Variants in IFTAP observed in about 807,000 individuals in gnomAD.
The protein encoded by IFTAP is intraflagellar transport-associated protein.
IFTAP carries 19 observed loss-of-function variants against 19.4 expected under a neutral mutation model. That is an observed-to-expected ratio of 0.98 (90% CI 0.68 to 1.44). The LOEUF (loss-of-function observed/expected upper bound fraction) is 1.44, where lower values mean the gene tolerates loss of function less well. IFTAP is among the 40% of genes most tolerant of loss of function. The pLI, the probability that IFTAP is intolerant of heterozygous loss-of-function variation, is 0.00. For missense variants in IFTAP, 240 were observed against 253.6 expected (o/e 0.95, Z 0.36); for synonymous variants, 85 against 83.5 (o/e 1.02, Z -0.10).
chr11:36,603,557 A>G (rs775222785), intron 1 of IFTAP, among the ~76,000 whole-genome samples: 3 of 152,200 alleles, frequency 2.0e-5, no homozygotes, highest in South Asian at 4.1e-4. Context: ...CAATGTTAAC[A>G]TCATGCATAA....
chr11:36,649,248 A>G (rs1010052635), intron 5 of IFTAP, among the ~76,000 whole-genome samples: 3 of 152,186 alleles, frequency 2.0e-5, no homozygotes, highest in African/African-American at 7.2e-5. Flanking sequence ...TCTAATAAGT[A>G]CTTTTGTTCA....
At chr11:36,657,604 G>A (rs1255394670) in intron 5 of IFTAP, among the ~76,000 whole-genome samples, 1 of 152,194 alleles carries the variant, frequency 6.6e-6, no homozygotes, top group African/African-American at 2.4e-5. Context: ...TGTTGAGCAG[G>A]TGAGGCTTTA....
At chr11:36,636,819 G>A (rs1377128013) in intron 4 of IFTAP, among the ~76,000 whole-genome samples, 3 of 151,884 alleles carry the variant, frequency 2.0e-5, no homozygotes, top group African/African-American at 7.3e-5. Flanking sequence ...GTCTGTTGAT[G>A]TTTATTTAGA....
intron 1 of IFTAP, among the ~76,000 whole-genome samples, chr11:36,603,922 C>CAA (rs562737848): frequency 1.8e-5 from 2 of 113,764 alleles, no homozygotes; most frequent in African/African-American, 3.1e-5. Context: ...AACTCAGTCT[C>CAA]AAAAAAAAAA....
intron 4 of IFTAP, among the ~76,000 whole-genome samples, chr11:36,637,965 C>T (rs908649620): frequency 6.6e-6 from 1 of 151,930 alleles, no homozygotes. Context: ...ACTGCAACCT[C>T]TGCCTCTCAG....
intron 2 of IFTAP, among the ~76,000 whole-genome samples, chr11:36,612,110 AT>A (rs1365895030): frequency 6.6e-6 from 1 of 152,020 alleles, no homozygotes; most frequent in Non-Finnish European, 1.5e-5. Flanking sequence ...ATTTACTTTT[AT>A]GAAAAGGGGT....
intron 3 of IFTAP, among the ~76,000 whole-genome samples, chr11:36,634,428 A>G (rs963415467): frequency 2.6e-5 from 4 of 152,070 alleles, no homozygotes; most frequent in East Asian, 1.9e-4. Flanking sequence ...CAGAAGTAGA[A>G]TCAGAGCTCC....
Position 36,631,298 on chromosome 11 carries a change from T to C in IFTAP, c.137-1986T>C, listed in dbSNP as rs191391036. Among the ~76,000 whole-genome samples, 494 of 151,560 alleles carry C rather than the reference T, an allele frequency of 3.3e-3. 35 individuals are homozygous for C. The highest frequency in any genetic ancestry group is 0.011 in the African/African-American group (457 of 40,810). On this transcript the variant is annotated intron_variant, in intron 2 of 5. Coordinates refer to ENST00000334307, the MANE Select transcript of IFTAP (RefSeq NM_138787.4). ...AGTAGGCAGTAGTAGAGAGCTGGCCTGAGCTGGTGTTATTTATGGATGTGA... is the reference window on the plus strand; with the variant it reads ...AGTAGGCAGTAGTAGAGAGCTGGCCCGAGCTGGTGTTATTTATGGATGTGA...
intron 2 of IFTAP, among the ~76,000 whole-genome samples, chr11:36,633,045 A>G (rs1852788581): frequency 6.6e-6 from 1 of 151,304 alleles, no homozygotes; most frequent in South Asian, 2.1e-4. Context: ...GACCAAGAAC[A>G]GTGCTGGATA....
intron 1 of IFTAP, chr11:36,595,122 T>C (rs916998390): frequency 6.6e-6 from 1 of 152,178 alleles, no homozygotes; most frequent in Non-Finnish European, 1.5e-5. Context: ...TCTTCACTGT[T>C]TTTACTCCTG....
chr11:36,614,859 T>C (rs1391155644), intron 2 of IFTAP, among the ~76,000 whole-genome samples: 1 of 148,296 alleles, frequency 6.7e-6, no homozygotes, highest in Non-Finnish European at 1.5e-5. Flanking sequence ...TGTTCTCCCA[T>C]TTTGTAGGTT....
Position 36,614,693 on chromosome 11 carries a change from GTTTT to G in IFTAP, c.136+4457_136+4460del, listed in dbSNP as rs1230835785. ...AGTGATGGTGAGCATTTTTTCATGTGTTTTTTGGCTGCATAAATGTCTTCTTTTG... is the reference window on the plus strand; with the variant it reads ...AGTGATGGTGAGCATTTTTTCATGTGTTGGCTGCATAAATGTCTTCTTTTG... On this transcript the variant is annotated intron_variant, in intron 2 of 5. Coordinates refer to ENST00000334307, the MANE Select transcript of IFTAP (RefSeq NM_138787.4). 6.1e-4 allele frequency among the ~76,000 whole-genome samples: 90 copies of G among 148,164 alleles called. 5 individuals are homozygous for G. Among genetic ancestry groups the G allele is most frequent in the African/African-American group, 2.2e-3 (85 of 39,156 alleles).
chr11:36,649,190 C>G (rs1348773423), intron 5 of IFTAP, among the ~76,000 whole-genome samples: 1 of 151,626 alleles, frequency 6.6e-6, no homozygotes. Flanking sequence ...ATAGAATTAG[C>G]CATTCAGTCA....
chr11:36,649,970 T>A (rs765028969), intron 5 of IFTAP, among the ~76,000 whole-genome samples: 7 of 152,164 alleles, frequency 4.6e-5, no homozygotes, highest in Admixed American at 1.3e-4. Context: ...GCAATGCTCA[T>A]TGGAGCATTA....
At chr11:36,640,995 ACT>A (rs1420615922) in intron 4 of IFTAP, among the ~76,000 whole-genome samples, 4 of 151,870 alleles carry the variant, frequency 2.6e-5, no homozygotes, top group East Asian at 3.9e-4. Context: ...CCTTTGAAAA[ACT>A]CTATGATTTT....
intron 2 of IFTAP, among the ~76,000 whole-genome samples, chr11:36,613,259 G>C (rs184498862): frequency 1.3e-5 from 2 of 152,080 alleles, no homozygotes; most frequent in Admixed American, 1.3e-4. Context: ...CTCTGTGAAT[G>C]TAACTAATTT....
chr11:36,636,929 T>G (rs1322849099), intron 4 of IFTAP, among the ~76,000 whole-genome samples: 4 of 152,050 alleles, frequency 2.6e-5, no homozygotes, highest in African/African-American at 4.8e-5. Context: ...GGAAGTTTTT[T>G]TTTTTTTTTT....
chr11:36,628,467 C>G (rs776201611), intron 2 of IFTAP, among the ~76,000 whole-genome samples: 19 of 151,266 alleles, frequency 1.3e-4, no homozygotes, highest in Non-Finnish European at 2.5e-4. Context: ...GTTTCTATCT[C>G]TCTTATATCA....
intron 4 of IFTAP, among the ~76,000 whole-genome samples, chr11:36,640,758 T>C (rs1023325618): frequency 3.3e-5 from 5 of 152,186 alleles, no homozygotes; most frequent in Non-Finnish European, 5.9e-5. Context: ...CTGGCAAAAT[T>C]GGTGATATTA....
Sources: allele counts gnomAD v4.1 joint callset (sites outside exome capture counted in the v4.1 genomes callset), GRCh38; gene constraint gnomAD v4.1.1; transcripts MANE v1.5; gene names NCBI Gene and HGNC (gene_info 2026-07-23, HGNC 2026-07-21).